The following KDELR3 variants were observed in gnomAD, a reference collection of about 807,000 sequenced individuals.
KDELR3 encodes the protein ER lumen protein-retaining receptor 3.
Under a neutral mutation model 22.7 loss-of-function variants are expected in KDELR3, and 26 were observed. The observed-to-expected ratio is 1.15, with a 90% CI of 0.84 to 1.59. The LOEUF is 1.59. KDELR3 is among the 40% of genes most tolerant of loss of function. KDELR3 has a pLI of 0.00. For synonymous variants in KDELR3, 120 were observed against 98.2 expected (o/e 1.22, Z -1.31); for missense variants, 289 against 251.1 (o/e 1.15, Z -1.02).
At chr22:38,469,165 G>A (rs1216919480) in intron 1 of KDELR3, among the ~76,000 whole-genome samples, 1 of 152,234 alleles carries the variant, frequency 6.6e-6, no homozygotes, top group Non-Finnish European at 1.5e-5. Context: ...AGGACGAGCA[G>A]GTGTCAATCC....
rs1257497085 is a variant in KDELR3 at position 38,483,259 on chromosome 22, C to T, written c.*723C>T. 1.3e-5 allele frequency: 2 copies of T among 152,184 alleles called. No homozygotes were observed. The highest frequency in any genetic ancestry group is 2.9e-5 in the Non-Finnish European group (2 of 68,042). The allele number at this position is 152,184 out of a possible 1,614,324, so 9.4% of individuals were successfully genotyped here. On this transcript the variant is annotated 3_prime_UTR_variant, in exon 5 of 5. Transcript: ENST00000216014. ...GATACAGATATATCCAAACCCTTAC[C>T]TACTAGGTATCCTGCTAGGGTTTTC...
chr22:38,475,417 G>A (rs138425), intron 2 of KDELR3, among the ~76,000 whole-genome samples: 141,914 of 152,140 alleles, frequency 0.93, 66,576 homozygotes, highest in Non-Finnish European at 0.98. Context: ...GATCAAGGCT[G>A]CAGTGAGCCA....
chr22:38,471,375 ACATCAGGC>A (rs2089523962), intron 1 of KDELR3, among the ~76,000 whole-genome samples: 1 of 152,182 alleles, frequency 6.6e-6, no homozygotes, highest in African/African-American at 2.4e-5. Context: ...AGTGAGATGA[ACATCAGGC>A]CATCCCAGAG....
intron 2 of KDELR3, among the ~76,000 whole-genome samples, 195 bp from the exon 3 acceptor site, chr22:38,479,398 G>A (rs2089582518): frequency 6.6e-6 from 1 of 152,170 alleles, no homozygotes; most frequent in Non-Finnish European, 1.5e-5. Flanking sequence ...ATAGAAGCAT[G>A]GAGTTATTTA....
chr22:38,481,577 G>A (rs116975602), intron 4 of KDELR3, 113 bp downstream of exon 4: 16,526 of 1,549,408 alleles, frequency 0.011, 103 homozygotes, highest in Non-Finnish European at 0.013. Flanking sequence ...CATCCACAAT[G>A]CTTGTGTTCT....
At chr22:38,479,439 CAACTGGACCCAAGATA>C (rs1171005264) in intron 2 of KDELR3, among the ~76,000 whole-genome samples, 138 bp from the exon 3 acceptor site, 8 of 152,154 alleles carry the variant, frequency 5.3e-5, no homozygotes, top group Non-Finnish European at 8.8e-5. Flanking sequence ...AAATTCTAGG[CAACTGGACCCAAGATA>C]AATTGCAAAC....
intron 3 of KDELR3, among the ~76,000 whole-genome samples, chr22:38,480,653 TGA>T (rs1164234844): frequency 1.3e-5 from 2 of 151,674 alleles, no homozygotes; most frequent in Non-Finnish European, 2.9e-5. Context: ...CTCGGGAGGC[TGA>T]GACAGGAGAA....
At chr22:38,478,664 C>G (rs1343604062) in intron 2 of KDELR3, among the ~76,000 whole-genome samples, 3 of 2,606 alleles carry the variant, frequency 1.2e-3, no homozygotes, top group Non-Finnish European at 2.8e-3. Context: ...TTTTTTGAGA[C>G]AGAGTCTCAC....
intron 2 of KDELR3, among the ~76,000 whole-genome samples, chr22:38,477,722 T>A (rs2089569897): frequency 1.3e-5 from 2 of 152,200 alleles, no homozygotes; most frequent in African/African-American, 4.8e-5. Flanking sequence ...GTTGAACTCA[T>A]TCAGATTTAG....
At chr22:38,468,432 C>T in intron 1 of KDELR3, 108 bp downstream of exon 1, 2 of 832,690 alleles carry the variant, frequency 2.4e-6, no homozygotes, top group South Asian at 1.5e-5. Flanking sequence ...GGGACTCCGG[C>T]GTGGGGGTCC....
intron 4 of KDELR3, among the ~76,000 whole-genome samples, 173 bp from the exon 5 acceptor site, chr22:38,482,323 G>A (rs2089609317): frequency 6.6e-6 from 1 of 152,168 alleles, no homozygotes; most frequent in Non-Finnish European, 1.5e-5. Flanking sequence ...CAGTAACCAA[G>A]TCGGGGATCA....
At chr22:38,473,356 G>A (rs2089536699) in intron 1 of KDELR3, among the ~76,000 whole-genome samples, 1 of 152,108 alleles carries the variant, frequency 6.6e-6, no homozygotes, top group Admixed American at 6.5e-5. Flanking sequence ...TAGGAGAATT[G>A]TTTGAGTCCA....
rs562059281 is a variant in KDELR3 at position 38,469,851 on chromosome 22, G to T, written c.91+1527G>T. On this transcript the variant is annotated intron_variant, in intron 1 of 4. Coordinates refer to ENST00000216014, the MANE Select transcript of KDELR3 (RefSeq NM_006855.4). ...TATTTTTATTTTTTAACAGAGTTTCGCTTTGTCCCTGAAGCTGAAGTACTG... is the reference window on the plus strand; with the variant it reads ...TATTTTTATTTTTTAACAGAGTTTCTCTTTGTCCCTGAAGCTGAAGTACTG... Among the ~76,000 whole-genome samples the T allele has an allele frequency of 3.3e-5, 5 of 152,236 alleles. No individual in the cohort carries two copies. The East Asian group carries it at 5.8e-4, about 18-fold the overall frequency.
intron 1 of KDELR3, among the ~76,000 whole-genome samples, chr22:38,473,146 T>G (rs1024354943): frequency 6.6e-6 from 1 of 152,180 alleles, no homozygotes; most frequent in African/African-American, 2.4e-5. Context: ...GCATTTAGAC[T>G]GGGCGCGGTG....
chr22:38,481,503 AG>A, intron 4 of KDELR3, 39 bp downstream of exon 4: 1 of 1,613,506 alleles, frequency 6.2e-7, no homozygotes, highest in Admixed American at 1.7e-5. Context: ...CACTGGCCTA[AG>A]GAGTTACTCA....
Position 38,481,274 on chromosome 22 carries a change from C to T in KDELR3, c.414C>T (p.Ile138=). Residue 138 remains isoleucine, a synonymous_variant, in exon 4 of 5, where the codon ATC becomes ATT. Coordinates refer to ENST00000216014, the MANE Select transcript of KDELR3 (RefSeq NM_006855.4). The part of the protein sequence containing the change: ...SVAILPQLFM[I]SKTGEAETIT... ...CTATCCTGCCCCAGCTCTTCATGATCAGCAAGACTGGAGAGGCTGAGACCA... is the reference window on the plus strand; with the variant it reads ...CTATCCTGCCCCAGCTCTTCATGATTAGCAAGACTGGAGAGGCTGAGACCA... 1 of 1,614,200 alleles carries T rather than the reference C, an allele frequency of 6.2e-7. No individual in the cohort carries two copies. The highest frequency in any genetic ancestry group is 1.3e-5 in the African/African-American group (1 of 75,048).
intron 4 of KDELR3, 88 bp from the exon 5 acceptor site, chr22:38,482,408 A>T: frequency 9.1e-7 from 1 of 1,094,116 alleles, no homozygotes; most frequent in Non-Finnish European, 1.4e-6. Context: ...GCCGGCCATT[A>T]AGAGATGATA....
intron 4 of KDELR3, among the ~76,000 whole-genome samples, chr22:38,482,173 G>C (rs1343887620): frequency 5.3e-5 from 8 of 152,170 alleles, no homozygotes; most frequent in Admixed American, 4.6e-4. Flanking sequence ...AGTTGCAGTT[G>C]ATCAGGAAAA....
chr22:38,480,941 A>T (rs2089594938), intron 3 of KDELR3, among the ~76,000 whole-genome samples: 1 of 152,070 alleles, frequency 6.6e-6, no homozygotes, highest in Admixed American at 6.6e-5. Context: ...TAAAAAAAAA[A>T]AAATTAAAAG....
Sources: gnomAD v4.1 joint callset for allele counts (sites outside exome capture counted in the v4.1 genomes callset) on GRCh38, gnomAD v4.1.1 for gene constraint, MANE v1.5 for transcripts, NCBI Gene and HGNC (gene_info 2026-07-23, HGNC 2026-07-21) for gene names.